CSNK1G1: variants seen among roughly 807,000 people sequenced by gnomAD.
The protein encoded by CSNK1G1 is casein kinase I isoform gamma-1.
In CSNK1G1, 22 loss-of-function variants were observed where a neutral mutation model predicts 59.6. The observed-to-expected ratio is 0.37, with a 90% CI of 0.26 to 0.53. The LOEUF is 0.53. Among genes scored for constraint, CSNK1G1 ranks in the 20% least tolerant of loss-of-function variants. CSNK1G1 has a pLI of 0.89. For missense variants in CSNK1G1, 384 were observed against 519.5 expected, an observed-to-expected ratio of 0.74 and a Z score of 2.54; for synonymous variants, 179 against 177.1, an observed-to-expected ratio of 1.01 and a Z score of -0.08.
chr15:64,322,319 C>T (rs1347569933), intron 1 of CSNK1G1, among the ~76,000 whole-genome samples: 1 of 152,044 alleles, frequency 6.6e-6, no homozygotes, highest in African/African-American at 2.4e-5. Context: ...TCAATTGGTA[C>T]ATGCAAGCAA....
At chr15:64,237,505 G>A (rs772825955) in intron 4 of CSNK1G1, among the ~76,000 whole-genome samples, 1 of 152,132 alleles carries the variant, frequency 6.6e-6, no homozygotes, top group Admixed American at 6.5e-5. Flanking sequence ...GGACAACTAA[G>A]TTCAGGCATG....
intron 2 of CSNK1G1, among the ~76,000 whole-genome samples, chr15:64,262,016 G>C (rs1009005432): frequency 2.6e-5 from 4 of 151,480 alleles, no homozygotes; most frequent in African/African-American, 9.7e-5. Context: ...GAACATCAAT[G>C]CTATCTTAAA....
At chr15:64,331,831 GAAA>G (rs1201364075) in intron 1 of CSNK1G1, among the ~76,000 whole-genome samples, 1 of 149,562 alleles carries the variant, frequency 6.7e-6, no homozygotes, top group African/African-American at 2.5e-5. Flanking sequence ...AAATTTACAA[GAAA>G]AAAACAACCC....
intron 1 of CSNK1G1, among the ~76,000 whole-genome samples, chr15:64,345,896 T>G (rs1337189469): frequency 6.6e-6 from 1 of 152,130 alleles, no homozygotes; most frequent in Non-Finnish European, 1.5e-5. Context: ...GGTTAAGCGA[T>G]TCTCCTGTCT....
intron 2 of CSNK1G1, among the ~76,000 whole-genome samples, chr15:64,267,244 G>T (rs1182285456): frequency 7.6e-6 from 1 of 131,436 alleles, no homozygotes; most frequent in East Asian, 2.2e-4. Flanking sequence ...GAGACAAAGC[G>T]AGACCTTATC....
chr15:64,182,812 G>A (rs1427644051), intron 10 of CSNK1G1, among the ~76,000 whole-genome samples: 1 of 152,116 alleles, frequency 6.6e-6, no homozygotes, highest in East Asian at 1.9e-4. Flanking sequence ...TTTCCCTCCC[G>A]ATTTCTCTGT....
chr15:64,329,569 G>A (rs1385292205), intron 1 of CSNK1G1, among the ~76,000 whole-genome samples: 8 of 134,964 alleles, frequency 5.9e-5, no homozygotes, highest in Non-Finnish European at 1.1e-4. Flanking sequence ...ACAAGAGAAA[G>A]CAGGAAAGAT....
chr15:64,295,304 A>T (rs1437916643), intron 2 of CSNK1G1, among the ~76,000 whole-genome samples: 1 of 152,142 alleles, frequency 6.6e-6, no homozygotes, highest in Non-Finnish European at 1.5e-5. Context: ...GGTCATCACC[A>T]AGGTCTGATT....
At chr15:64,354,754 A>G (rs1045695422) in intron 1 of CSNK1G1, among the ~76,000 whole-genome samples, 11 of 152,192 alleles carry the variant, frequency 7.2e-5, no homozygotes, top group Admixed American at 1.3e-4. Context: ...TACTTATAAT[A>G]CAGGTAAGAA....
chr15:64,278,610 G>C (rs941577226), intron 2 of CSNK1G1, among the ~76,000 whole-genome samples: 2 of 151,876 alleles, frequency 1.3e-5, no homozygotes, highest in African/African-American at 4.8e-5. Context: ...TGTATTTTTA[G>C]TAGAGACAGG....
intron 2 of CSNK1G1, among the ~76,000 whole-genome samples, chr15:64,291,329 G>C (rs1894729309): frequency 6.6e-6 from 1 of 152,196 alleles, no homozygotes; most frequent in Admixed American, 6.5e-5. Context: ...GCTCACGCCT[G>C]TAATCCCAGC....
chr15:64,271,769 G>C (rs913968991), intron 2 of CSNK1G1, among the ~76,000 whole-genome samples: 1 of 152,188 alleles, frequency 6.6e-6, no homozygotes, highest in Non-Finnish European at 1.5e-5. Context: ...GTAGAGGTCT[G>C]TAAGATCCAT....
rs1476170682 is a variant in CSNK1G1 at position 64,166,782 on chromosome 15, C to T, written c.*5149G>A. 1 of 152,600 alleles carries T rather than the reference C, an allele frequency of 6.6e-6. No individual in the cohort carries two copies. The highest frequency in any genetic ancestry group is 1.5e-5 in the Non-Finnish European group (1 of 68,062). The allele number at this position is 152,600 out of a possible 1,614,324, so 9.5% of individuals were successfully genotyped here. On this transcript the variant is annotated 3_prime_UTR_variant, in exon 12 of 12. Transcript: ENST00000303052. The surrounding 1 kb of genome is among the most constrained non-coding windows in gnomAD (Gnocchi z 4.5). The stretch of plus-strand genomic sequence containing the variant: ...GGGTGGGGACATTCAGAACAGCTGT[C>T]CTCTTGTGGGTGTTACTGGAATGGC...
At chr15:64,275,663 T>TAAGA (rs1893569029) in intron 2 of CSNK1G1, among the ~76,000 whole-genome samples, 1 of 152,166 alleles carries the variant, frequency 6.6e-6, no homozygotes, top group East Asian at 1.9e-4. Flanking sequence ...AAATGTTTTC[T>TAAGA]AAAGTGTAGA....
At chr15:64,352,533 C>T (rs1399203457) in intron 1 of CSNK1G1, among the ~76,000 whole-genome samples, 10 of 144,830 alleles carry the variant, frequency 6.9e-5, no homozygotes, top group Non-Finnish European at 1.5e-5. Flanking sequence ...GCAACCTCCA[C>T]CTCCCGGGTT....
intron 2 of CSNK1G1, among the ~76,000 whole-genome samples, chr15:64,299,856 T>C (rs1324449747): frequency 6.6e-6 from 1 of 152,178 alleles, no homozygotes; most frequent in Non-Finnish European, 1.5e-5. Flanking sequence ...ATGTACTGTA[T>C]ATCCTTGCAG....
In CSNK1G1 at chr15:64,210,333, A is replaced by G. The variant is rs553341557; in HGVS notation, c.680-2739T>C. ...AGCTCTAAAATTCTAAAATAATCTG[A>G]TAACTTAAGCCTTTAGGGCCTTTCA... On this transcript the variant is annotated intron_variant, in intron 6 of 11. Transcript: ENST00000303052. The surrounding 1 kb of genome is among the most constrained non-coding windows in gnomAD (Gnocchi z 4.2). 8.5e-5 allele frequency among the ~76,000 whole-genome samples: 13 copies of G among 152,324 alleles called. No homozygotes were observed. The South Asian group carries it at 2.5e-3, about 29-fold the overall frequency.
At chr15:64,348,033 T>C (rs535369120) in intron 1 of CSNK1G1, among the ~76,000 whole-genome samples, 1 of 151,226 alleles carries the variant, frequency 6.6e-6, no homozygotes, top group Non-Finnish European at 1.5e-5. Context: ...CGAAGAACAT[T>C]CAACGCATAT....
chr15:64,284,562 T>A lies in CSNK1G1; in HGVS notation c.181+15757A>T, dbSNP rs145720277. 4.6e-3 allele frequency among the ~76,000 whole-genome samples: 695 copies of A among 152,204 alleles called. 36 individuals carry two copies. In the East Asian group the frequency reaches 0.11, roughly 24 times the overall value. On this transcript the variant is annotated intron_variant, in intron 2 of 11. Coordinates refer to ENST00000303052, the MANE Select transcript of CSNK1G1 (RefSeq NM_022048.5). ...TTAAATTTATTCCTAAGTATTTTAT[T>A]CTTGATGCTAATGTAAGTGAAATTT... is the stretch of plus-strand genomic sequence containing the variant.
Sources: allele counts gnomAD v4.1 joint callset (sites outside exome capture counted in the v4.1 genomes callset), GRCh38; gene constraint gnomAD v4.1.1; non-coding constraint Gnocchi (gnomAD v3.1); transcripts MANE v1.5; gene names NCBI Gene and HGNC (gene_info 2026-07-23, HGNC 2026-07-21).